The following NUP98 variants were observed in gnomAD, a reference collection of about 807,000 sequenced individuals.
The protein encoded by NUP98 is nucleoporin 98 and 96 precursor.
Under a neutral mutation model 191.9 loss-of-function variants are expected in NUP98, and 26 were observed. That is an observed-to-expected ratio of 0.14 (90% CI 0.10 to 0.19). The LOEUF (loss-of-function observed/expected upper bound fraction) is 0.19, where lower values mean the gene tolerates loss of function less well. Ranked by LOEUF, NUP98 falls within the 10% of genes least tolerant of loss-of-function variation. The pLI is 1.00. For synonymous variants in NUP98, 808 were observed against 778.4 expected, an observed-to-expected ratio of 1.04 and a Z score of -0.63; for missense variants, 1,941 against 2,178.8, an observed-to-expected ratio of 0.89 and a Z score of 2.17.
intron 13 of NUP98, among the ~76,000 whole-genome samples, chr11:3,734,045 T>TC: frequency 6.6e-6 from 1 of 152,188 alleles, no homozygotes; most frequent in East Asian, 1.9e-4. Context: ...TTTCTCTTTT[T>TC]TTTTTTTGAG....
chr11:3,782,108 T>C lies in NUP98; in HGVS notation c.10A>G (p.Lys4Glu). Residue 4 changes from lysine to glutamate, a missense_variant, in exon 2 of 33, where the codon AAA becomes GAA. By Grantham distance (56) the Lys-to-Glu change is moderately conservative. Coordinates refer to ENST00000324932, the MANE Select transcript of NUP98 (RefSeq NM_016320.5). The stretch of plus-strand genomic sequence containing the variant: ...CCCCCAAAGGGTGTTCCAAATGATT[T>C]GTTAAACATCTTCAAAATGAGTCTT... MFN[K>E]SFGTPFGGGT... 6.2e-7 allele frequency: 1 copy of C among 1,611,742 alleles called. No individual in the cohort carries two copies. The highest frequency in any genetic ancestry group is 8.5e-7 in the Non-Finnish European group (1 of 1,178,576).
intron 26 of NUP98, among the ~76,000 whole-genome samples, chr11:3,694,568 G>A (rs867578859): frequency 3.3e-4 from 50 of 151,078 alleles, no homozygotes; most frequent in African/African-American, 1.2e-3. Context: ...GTGAAACCCT[G>A]TCTCTACTTA....
At chr11:3,733,329 G>C (rs2079916429) in intron 13 of NUP98, among the ~76,000 whole-genome samples, 1 of 151,916 alleles carries the variant, frequency 6.6e-6, no homozygotes, top group Admixed American at 6.6e-5. Flanking sequence ...TTTTTGTTTT[G>C]AGACGGAGTT....
At position 3,720,849 on chromosome 11, in the gene NUP98, A is replaced by C. The variant is rs547144784; in HGVS notation, c.2147-24T>G. 373 of 908,774 alleles carry C rather than the reference A, an allele frequency of 4.1e-4. 1 individual carries two copies. Among genetic ancestry groups the C allele is most frequent in the Non-Finnish European group, 4.6e-4 (265 of 578,440 alleles). 56.3% of individuals were successfully genotyped at this position (908,774 alleles called of 1,614,324 possible). On this transcript the variant is annotated intron_variant, in intron 16 of 32. Transcript: ENST00000324932. ...ACCTGTGACAAAAAAAAAAAAAAAA[A>C]CAGAAAAAAAAATAACCTGAAATAA...
intron 2 of NUP98, 66 bp downstream of exon 2, chr11:3,781,976 G>T: frequency 1.9e-6 from 2 of 1,026,150 alleles, no homozygotes; most frequent in Non-Finnish European, 3.0e-6. Flanking sequence ...AAGCTTATCA[G>T]AGTGGATTTG....
At chr11:3,759,749 T>A (rs1351043236) in intron 10 of NUP98, among the ~76,000 whole-genome samples, 1 of 152,150 alleles carries the variant, frequency 6.6e-6, no homozygotes, top group Non-Finnish European at 1.5e-5. Context: ...ACTATGAACA[T>A]GCATTCAAAA....
chr11:3,765,445 T>C (rs2081305816), intron 8 of NUP98, among the ~76,000 whole-genome samples: 1 of 152,202 alleles, frequency 6.6e-6, no homozygotes, highest in South Asian at 2.1e-4. Flanking sequence ...ATCTAAGATA[T>C]TACTGTCTAA....
intron 28 of NUP98, among the ~76,000 whole-genome samples, chr11:3,688,577 T>C (rs2078201122): frequency 1.3e-5 from 2 of 151,156 alleles, no homozygotes; most frequent in Non-Finnish European, 2.9e-5. Flanking sequence ...GGAGGATTAC[T>C]TGAGGTCAGG....
In NUP98 at chr11:3,779,191, G is replaced by T; in HGVS notation, c.143C>A (p.Thr48Asn). The part of the protein sequence containing the change: ...GTSAFGSSNN[T>N]GGLFGNSQTK... Reference sequence around the variant, plus strand: ...CTGTGAATTTCCAAAGAGGCCTCCAGTATTGTTGCTAGAACCAAATGCAGA... The same window carrying T: ...CTGTGAATTTCCAAAGAGGCCTCCATTATTGTTGCTAGAACCAAATGCAGA... The change falls in exon 3 of 33, where the codon ACT (threonine) becomes AAT (asparagine). Residue 48 changes from threonine to asparagine, a missense_variant. Thr to Asn is a moderately conservative substitution (Grantham distance 65). Around this residue, in one of 6 missense-constraint regions of NUP98, gnomAD observed 154 missense variants for 182.9 expected, o/e 0.84. Transcript: ENST00000324932. 1 of 1,614,186 alleles carries T rather than the reference G, an allele frequency of 6.2e-7. No homozygotes were observed. Among genetic ancestry groups the T allele is most frequent in the Non-Finnish European group, 8.5e-7 (1 of 1,180,020 alleles).
intron 12 of NUP98, among the ~76,000 whole-genome samples, chr11:3,735,846 T>TGTGC (rs1306715134): frequency 2.7e-5 from 4 of 148,972 alleles, no homozygotes; most frequent in African/African-American, 7.3e-5. Flanking sequence ...TGTGTGTGTG[T>TGTGC]GTGCGTGCGT....
chr11:3,788,316 C>T (rs576488021), intron 1 of NUP98, among the ~76,000 whole-genome samples: 75 of 152,252 alleles, frequency 4.9e-4, no homozygotes, highest in African/African-American at 1.5e-3. Flanking sequence ...TTAAAACTGT[C>T]ACTCGGCTAG....
At chr11:3,771,620 T>C (rs2081535244) in intron 7 of NUP98, 128 bp downstream of exon 7, 1 of 755,442 alleles carries the variant, frequency 1.3e-6, no homozygotes, top group East Asian at 2.7e-5. Context: ...CAGGCATTCC[T>C]CCCTATTCCT....
At chr11:3,791,859 AT>A (rs146530366) in intron 1 of NUP98, among the ~76,000 whole-genome samples, 16 of 135,538 alleles carry the variant, frequency 1.2e-4, no homozygotes, top group Admixed American at 1.5e-4. Context: ...AAAAAAAAAA[AT>A]TTTGATACAA....
At chr11:3,725,013 CTTCATAAATT>C (rs1457141795) in intron 15 of NUP98, 80 bp downstream of exon 15, 6 of 632,886 alleles carry the variant, frequency 9.5e-6, no homozygotes, top group Admixed American at 7.5e-5. Flanking sequence ...ATTCATCAAA[CTTCATAAATT>C]TTCATAAATT....
chr11:3,691,635 C>A lies in NUP98; in HGVS notation c.4312-146G>T, dbSNP rs1301763147. On this transcript the variant is annotated intron_variant, in intron 27 of 32. Coordinates refer to ENST00000324932, the MANE Select transcript of NUP98 (RefSeq NM_016320.5). ...GTGGGACAATCTCGGCTCACTGCAA[C>A]CTCCGCTTCCCAGATTCAAACAATT... The A allele has an allele frequency of 8.4e-6, 6 of 712,398 alleles. No individual in the cohort carries two copies. In the South Asian group the frequency reaches 9.7e-5, roughly 11 times the overall value. The allele number at this position is 712,398 out of a possible 1,614,324, so 44.1% of individuals were successfully genotyped here. A position where few individuals can be genotyped will look rare whatever the true frequency, so the allele number is the denominator to read the frequency against.
intron 1 of NUP98, among the ~76,000 whole-genome samples, chr11:3,783,097 T>C (rs2133954342): frequency 6.6e-6 from 1 of 152,194 alleles, no homozygotes; most frequent in Admixed American, 6.5e-5. Context: ...TTGATGAAAA[T>C]CCCTCACCTC....
At chr11:3,751,298 C>A (rs962634189) in intron 11 of NUP98, among the ~76,000 whole-genome samples, 1 of 152,130 alleles carries the variant, frequency 6.6e-6, no homozygotes, top group Non-Finnish European at 1.5e-5. Context: ...GCGGAGGCTG[C>A]GGTGAGCCGA....
chr11:3,676,432 G>A (rs987730473), intron 32 of NUP98, 56 bp from the exon 33 acceptor site: 10 of 1,603,526 alleles, frequency 6.2e-6, no homozygotes, highest in Non-Finnish European at 8.5e-6. Context: ...AAGGGTGGTA[G>A]GCACTGAGGG....
intron 10 of NUP98, among the ~76,000 whole-genome samples, chr11:3,758,354 G>C (rs945536830): frequency 1.3e-5 from 2 of 151,526 alleles, no homozygotes; most frequent in South Asian, 4.2e-4. Context: ...AGAAAAAACA[G>C]TCCCATTACA....
Sources: gnomAD v4.1 joint callset for allele counts (sites outside exome capture counted in the v4.1 genomes callset) on GRCh38, gnomAD v4.1.1 for gene constraint, gnomAD v4.1.1 regional missense constraint, MANE v1.5 for transcripts, NCBI Gene and HGNC (gene_info 2026-07-23, HGNC 2026-07-21) for gene names.